Variants in GSE1 observed in about 807,000 individuals in gnomAD.
The protein encoded by GSE1 is genetic suppressor element 1.
GSE1 carries 32 observed loss-of-function variants against 112.6 expected under a neutral mutation model. The observed-to-expected ratio is 0.28, with a 90% CI of 0.21 to 0.38. GSE1 has a LOEUF of 0.38. Among genes scored for constraint, GSE1 ranks in the 10% least tolerant of loss-of-function variants. GSE1 has a pLI of 1.00. For missense variants in GSE1, 2,348 were observed against 1,699.2 expected, an observed-to-expected ratio of 1.38 and a Z score of -6.71; for synonymous variants, 1,115 against 735.6, an observed-to-expected ratio of 1.52 and a Z score of -8.35.
chr16:85,662,913 C>T, intron 9 of GSE1, 68 bp from the exon 10 acceptor site: 1 of 1,113,472 alleles, frequency 9.0e-7, no homozygotes. Context: ...CACATGAGGC[C>T]CTGCGGGCAT....
chr16:85,511,116 A>G (rs1263710219), intron 2 of GSE1, among the ~76,000 whole-genome samples: 1 of 152,204 alleles, frequency 6.6e-6, no homozygotes, highest in African/African-American at 2.4e-5. Flanking sequence ...TGAACATTAG[A>G]CGGATGGAAG....
chr16:85,210,512 C>T (rs1349216774), intron 1 of GSE1, among the ~76,000 whole-genome samples: 1 of 152,072 alleles, frequency 6.6e-6, no homozygotes, highest in Non-Finnish European at 1.5e-5. Context: ...TTGCTTGAGC[C>T]AGGGAGGTCC....
At chr16:85,220,693 T>G (rs531117417) in intron 1 of GSE1, among the ~76,000 whole-genome samples, 9 of 152,322 alleles carry the variant, frequency 5.9e-5, no homozygotes, top group Non-Finnish European at 1.3e-4. Flanking sequence ...CTGGAGTCCC[T>G]GGCTTTGCCA....
At chr16:85,640,013 C>T (rs1442935132) in intron 2 of GSE1, among the ~76,000 whole-genome samples, 4 of 152,174 alleles carry the variant, frequency 2.6e-5, no homozygotes, top group Non-Finnish European at 5.9e-5. Flanking sequence ...CTCTGGGAGG[C>T]CGGCGCTTTG....
intron 2 of GSE1, among the ~76,000 whole-genome samples, chr16:85,647,841 T>C (rs747867190): frequency 5.3e-4 from 81 of 152,256 alleles, no homozygotes; most frequent in Middle Eastern, 3.4e-3. Context: ...TGCCTCGGCC[T>C]CCCAAAGTGC....
chr16:85,582,798 G>A (rs929140100), intron 1 of GSE1, among the ~76,000 whole-genome samples: 2 of 152,204 alleles, frequency 1.3e-5, no homozygotes, highest in Admixed American at 6.5e-5. Context: ...CACAGCCTGC[G>A]GTTGGTCGGC....
chr16:85,243,605 G>A (rs1466854280), intron 1 of GSE1, among the ~76,000 whole-genome samples: 1 of 152,204 alleles, frequency 6.6e-6, no homozygotes, highest in East Asian at 1.9e-4. Context: ...GCAGGAGCTG[G>A]GGTGGAAAGA....
chr16:85,436,190 A>G (rs2049242432), intron 2 of GSE1, among the ~76,000 whole-genome samples: 1 of 152,164 alleles, frequency 6.6e-6, no homozygotes, highest in Non-Finnish European at 1.5e-5. Context: ...TCTCTCCTCC[A>G]AAAGTTCACC....
At chr16:85,375,718 G>A (rs2047404828) in intron 2 of GSE1, among the ~76,000 whole-genome samples, 1 of 120,274 alleles carries the variant, frequency 8.3e-6, no homozygotes, top group Admixed American at 8.9e-5. Context: ...GGCCAGCACA[G>A]GCGAGGGAAC....
intron 1 of GSE1, among the ~76,000 whole-genome samples, chr16:85,566,685 CTCT>C (rs2045762398): frequency 6.6e-6 from 1 of 152,238 alleles, no homozygotes; most frequent in Non-Finnish European, 1.5e-5. Context: ...CCCTCCCCAC[CTCT>C]TGTCATTCTT....
intron 1 of GSE1, among the ~76,000 whole-genome samples, chr16:85,562,197 C>T (rs1053071918): frequency 2.0e-5 from 3 of 152,208 alleles, no homozygotes; most frequent in African/African-American, 7.2e-5. Context: ...ACAGGCATTT[C>T]GGCTTCCATC....
At chr16:85,358,095 C>T (rs1375477025) in intron 2 of GSE1, among the ~76,000 whole-genome samples, 1 of 152,070 alleles carries the variant, frequency 6.6e-6, no homozygotes, top group African/African-American at 2.4e-5. Flanking sequence ...GGGGAGATGG[C>T]GCTGCCGTCC....
chr16:85,201,618 C>T (rs1485074898), intron 1 of GSE1, among the ~76,000 whole-genome samples: 2 of 151,646 alleles, frequency 1.3e-5, no homozygotes, highest in African/African-American at 4.8e-5. Flanking sequence ...GGCCACTGCA[C>T]TCCAGCCTGA....
chr16:85,551,671 AC>A (rs773856166), upstream of GSE1, among the ~76,000 whole-genome samples: 7 of 152,112 alleles, frequency 4.6e-5, no homozygotes, highest in Non-Finnish European at 7.4e-5. Context: ...TTCCTCCCTT[AC>A]AAAGGTCCCT....
At chr16:85,469,086 C>G (rs1295949917) in intron 2 of GSE1, among the ~76,000 whole-genome samples, 1 of 152,086 alleles carries the variant, frequency 6.6e-6, no homozygotes, top group Non-Finnish European at 1.5e-5. Flanking sequence ...AAAATCCCAT[C>G]TCTACTAAAA....
intron 1 of GSE1, among the ~76,000 whole-genome samples, chr16:85,294,631 C>G (rs1011745466): frequency 2.9e-5 from 4 of 136,974 alleles, no homozygotes; most frequent in African/African-American, 8.8e-5. Flanking sequence ...CTCTCTCTCT[C>G]TCTCTCTCTC....
At chr16:85,340,416 G>T (rs2046599522) in intron 1 of GSE1, among the ~76,000 whole-genome samples, 1 of 152,138 alleles carries the variant, frequency 6.6e-6, no homozygotes, top group South Asian at 2.1e-4. Context: ...GAGGCAGGAG[G>T]ATCACTTGAG....
intron 1 of GSE1, among the ~76,000 whole-genome samples, chr16:85,570,013 G>T (rs1053263378): frequency 6.6e-6 from 1 of 152,200 alleles, no homozygotes; most frequent in African/African-American, 2.4e-5. Flanking sequence ...GGTGGCTTCC[G>T]GGATTAGAGC....
chr16:85,656,194 T>G, intron 6 of GSE1, 149 bp from the exon 7 acceptor site: 1 of 996,354 alleles, frequency 1.0e-6, no homozygotes, highest in Non-Finnish European at 1.5e-6. Flanking sequence ...CCTTAAGTTC[T>G]TCCTGCACCA....
Sources: allele counts gnomAD v4.1 joint callset (sites outside exome capture counted in the v4.1 genomes callset), GRCh38; gene constraint gnomAD v4.1.1; transcripts MANE v1.5; gene names NCBI Gene and HGNC (gene_info 2026-07-23, HGNC 2026-07-21).